FSTL5: variants seen among roughly 807,000 people sequenced by gnomAD.
FSTL5 encodes the protein follistatin like 5.
Under a neutral mutation model 89.1 loss-of-function variants are expected in FSTL5, and 62 were observed. That is an observed-to-expected ratio of 0.70 (90% CI 0.57 to 0.86). The LOEUF (loss-of-function observed/expected upper bound fraction) is 0.86, where lower values mean the gene tolerates loss of function less well. Among genes scored for constraint, FSTL5 ranks in the 40% least tolerant of loss-of-function variants. The pLI, the probability that FSTL5 is intolerant of heterozygous loss-of-function variation, is 0.00. For missense variants in FSTL5, 1,057 were observed against 1,001.6 expected (o/e 1.06, Z -0.75); for synonymous variants, 383 against 346.2 (o/e 1.11, Z -1.18).
At chr4:161,849,794 C>T (rs897418210) in intron 4 of FSTL5, among the ~76,000 whole-genome samples, 5 of 152,186 alleles carry the variant, frequency 3.3e-5, no homozygotes, top group African/African-American at 1.2e-4. Flanking sequence ...TGTCAATCTA[C>T]TTACATTTAA....
At chr4:161,722,242 G>T (rs565717675) in intron 6 of FSTL5, among the ~76,000 whole-genome samples, 1 of 152,150 alleles carries the variant, frequency 6.6e-6, no homozygotes, top group Non-Finnish European at 1.5e-5. Context: ...ATTTTCCTTA[G>T]CAAAATTCTT....
rs193118182 is a variant in FSTL5, at chr4:162,163,950, A to C, written c.-352T>G. 6.6e-6 allele frequency: 1 copy of C among 152,486 alleles called. No individual in the cohort carries two copies. Among genetic ancestry groups the C allele is most frequent in the African/African-American group, 2.4e-5 (1 of 41,582 alleles). 9.4% of individuals were successfully genotyped at this position (152,486 alleles called of 1,614,324 possible). On this transcript the variant is annotated 5_prime_UTR_variant, in exon 1 of 16. Coordinates refer to ENST00000306100, the MANE Select transcript of FSTL5 (RefSeq NM_020116.5). The stretch of plus-strand genomic sequence containing the variant: ...CTCGCGTCTCAGGTTCAGCACCGAC[A>C]GCACAGTGGACAGTACCAGCTCCTT...
intron 3 of FSTL5, among the ~76,000 whole-genome samples, chr4:161,930,379 C>A (rs2110892281): frequency 6.6e-6 from 1 of 151,888 alleles, no homozygotes; most frequent in South Asian, 2.1e-4. Context: ...TCATTAATTT[C>A]TTCAACAAAC....
chr4:161,636,856 C>G (rs1227467542), intron 7 of FSTL5, among the ~76,000 whole-genome samples: 2 of 107,136 alleles, frequency 1.9e-5, no homozygotes, highest in African/African-American at 4.0e-5. Flanking sequence ...TTAATCCAGT[C>G]TATCATTGTT....
rs1248865364 is a variant in FSTL5, at chr4:161,455,054, T to G, written c.1791A>C (p.Arg597Ser). The G allele has an allele frequency of 6.2e-7, 1 of 1,613,532 alleles. No homozygotes were observed. Among genetic ancestry groups the G allele is most frequent in the Non-Finnish European group, 8.5e-7 (1 of 1,179,740 alleles). The change falls in exon 15 of 16, where the codon AGA becomes AGC. Residue 597 changes from arginine to serine, a missense_variant. By Grantham distance (110) the Arg-to-Ser change is moderately radical. Coordinates refer to ENST00000306100, the MANE Select transcript of FSTL5 (RefSeq NM_020116.5). ...HTQPVGKQFD[R>S]VDDFFIPTTT... ...TGGTGGGAATGAAAAAATCATCCAC[T>G]CTGTCAAATTGCTTTCCCACTGGTT... is the stretch of plus-strand genomic sequence containing the variant.
intron 4 of FSTL5, among the ~76,000 whole-genome samples, chr4:161,851,353 T>C (rs1397231638): frequency 6.6e-6 from 1 of 152,182 alleles, no homozygotes; most frequent in African/African-American, 2.4e-5. Context: ...TGTGTTATTA[T>C]AGTGCCACTA....
intron 13 of FSTL5, among the ~76,000 whole-genome samples, chr4:161,476,185 T>TTTG (rs1734137703): frequency 2.2e-5 from 2 of 90,632 alleles, no homozygotes; most frequent in African/African-American, 3.8e-5. Context: ...TTTTTTTTTT[T>TTTG]TTTGTTTGTT....
At chr4:162,153,674 T>A (rs1428228596) in intron 1 of FSTL5, among the ~76,000 whole-genome samples, 2 of 135,098 alleles carry the variant, frequency 1.5e-5, no homozygotes, top group South Asian at 4.3e-4. Context: ...ATATGTATAT[T>A]ATATATGTAT....
At chr4:162,018,465 T>G (rs1194616879) in intron 3 of FSTL5, among the ~76,000 whole-genome samples, 1 of 152,164 alleles carries the variant, frequency 6.6e-6, no homozygotes, top group Non-Finnish European at 1.5e-5. Context: ...TGTGAATAAT[T>G]ATTTCCTCAT....
intron 6 of FSTL5, among the ~76,000 whole-genome samples, chr4:161,711,275 C>T (rs1560803058): frequency 6.6e-6 from 1 of 151,656 alleles, no homozygotes; most frequent in Non-Finnish European, 1.5e-5. Flanking sequence ...TTGGGTTGGA[C>T]TTACCAAGAA....
intron 4 of FSTL5, among the ~76,000 whole-genome samples, chr4:161,904,328 C>G (rs1189839433): frequency 1.3e-5 from 2 of 152,130 alleles, no homozygotes; most frequent in East Asian, 3.9e-4. Flanking sequence ...TCAAGAGGAT[C>G]ATTACTTAAA....
intron 4 of FSTL5, among the ~76,000 whole-genome samples, chr4:161,869,089 A>G (rs1213718361): frequency 6.6e-6 from 1 of 152,110 alleles, no homozygotes; most frequent in Non-Finnish European, 1.5e-5. Context: ...AGTACCAGCT[A>G]CTTGTGAGGC....
At chr4:161,939,000 T>A (rs1734507096) in intron 3 of FSTL5, among the ~76,000 whole-genome samples, 2 of 151,908 alleles carry the variant, frequency 1.3e-5, no homozygotes, top group Admixed American at 1.3e-4. Context: ...GCAATTAGCA[T>A]AAAAATATAT....
chr4:161,484,770 A>C (rs754509067), intron 12 of FSTL5, among the ~76,000 whole-genome samples: 6 of 152,184 alleles, frequency 3.9e-5, no homozygotes, highest in Admixed American at 6.6e-5. Context: ...GCTATGTTTG[A>C]AAATTAAAAA....
intron 11 of FSTL5, among the ~76,000 whole-genome samples, chr4:161,500,729 G>A (rs540179810): frequency 6.6e-6 from 1 of 152,154 alleles, no homozygotes; most frequent in South Asian, 2.1e-4. Flanking sequence ...AACAAATTAA[G>A]GTATCTGAAA....
intron 3 of FSTL5, among the ~76,000 whole-genome samples, chr4:162,030,755 T>C (rs1737490569): frequency 6.6e-6 from 1 of 152,214 alleles, no homozygotes; most frequent in Non-Finnish European, 1.5e-5. Flanking sequence ...TGGCAGACTC[T>C]GTAAGTTATT....
At chr4:161,696,935 C>T (rs1160060668) in intron 6 of FSTL5, among the ~76,000 whole-genome samples, 1 of 152,120 alleles carries the variant, frequency 6.6e-6, no homozygotes, top group Non-Finnish European at 1.5e-5. Flanking sequence ...TTAGGATGCC[C>T]TTTGTTTCTT....
intron 2 of FSTL5, among the ~76,000 whole-genome samples, chr4:162,095,853 C>T (rs1160267148): frequency 6.6e-6 from 1 of 151,882 alleles, no homozygotes; most frequent in Non-Finnish European, 1.5e-5. Context: ...ACTTAAAATA[C>T]ACACGTTACA....
chr4:161,724,824 CAA>C (rs1243124108), intron 6 of FSTL5, among the ~76,000 whole-genome samples: 1 of 152,144 alleles, frequency 6.6e-6, no homozygotes, highest in African/African-American at 2.4e-5. Flanking sequence ...TAAAAGTACT[CAA>C]TGCAAAAATC....
Sources: allele counts gnomAD v4.1 joint callset (sites outside exome capture counted in the v4.1 genomes callset), GRCh38; gene constraint gnomAD v4.1.1; transcripts MANE v1.5; gene names NCBI Gene and HGNC (gene_info 2026-07-23, HGNC 2026-07-21).